The following KCNG3 variants were observed in gnomAD, a reference collection of about 807,000 sequenced individuals.
KCNG3 encodes potassium voltage-gated channel modifier subfamily G member 3.
Under a neutral mutation model 29.0 loss-of-function variants are expected in KCNG3, and 15 were observed. The ratio of observed to expected loss-of-function variants is 0.52; its 90% CI spans 0.35 to 0.80. The LOEUF is 0.80. Among genes scored for constraint, KCNG3 ranks in the 30% least tolerant of loss-of-function variants. KCNG3 has a pLI of 0.01. For synonymous variants in KCNG3, 322 were observed against 248.9 expected (o/e 1.29, Z -2.76); for missense variants, 512 against 605.7 (o/e 0.85, Z 1.62).
chr2:42,397,857 A>C, the KCNG3 span, among the ~76,000 whole-genome samples: 866 of 152,310 alleles, frequency 5.7e-3, 7 homozygotes, highest in Non-Finnish European at 8.5e-3. Flanking sequence ...TGGCCCTTTT[A>C]GAGTCTGTTC....
At chr2:42,462,631 G>A (rs1673047181) in intron 1 of KCNG3, among the ~76,000 whole-genome samples, 1 of 152,124 alleles carries the variant, frequency 6.6e-6, no homozygotes, top group Non-Finnish European at 1.5e-5. Flanking sequence ...ACAGTGGGCT[G>A]AGACTACAGC....
chr2:42,415,935 C>G, the KCNG3 span, among the ~76,000 whole-genome samples: 68 of 152,312 alleles, frequency 4.5e-4, no homozygotes, highest in Non-Finnish European at 7.8e-4. Context: ...TGGCTCATGG[C>G]TGTAATCTGA....
the KCNG3 span, among the ~76,000 whole-genome samples, chr2:42,412,707 T>C: frequency 5.3e-5 from 8 of 152,296 alleles, no homozygotes; most frequent in East Asian, 1.9e-4. Context: ...TATATTATAC[T>C]ATATTGTTAC....
chr2:42,482,063 A>G (rs978446740), intron 1 of KCNG3, among the ~76,000 whole-genome samples: 2 of 152,186 alleles, frequency 1.3e-5, no homozygotes, highest in African/African-American at 4.8e-5. Flanking sequence ...GGCTCAAACA[A>G]ACTGCCTGCC....
chr2:42,455,204 G>A (rs1208243596), intron 1 of KCNG3, among the ~76,000 whole-genome samples: 1 of 151,966 alleles, frequency 6.6e-6, no homozygotes, highest in African/African-American at 2.4e-5. Context: ...TGCTCAGGCT[G>A]GTCTCAAACT....
At chr2:42,395,790 T>TAA in the KCNG3 span, among the ~76,000 whole-genome samples, 5 of 151,698 alleles carry the variant, frequency 3.3e-5, no homozygotes, top group Admixed American at 6.6e-5. Context: ...CCCATCTTTA[T>TAA]AAAAAATTTT....
chr2:42,415,769 G>C, the KCNG3 span, among the ~76,000 whole-genome samples: 1 of 151,848 alleles, frequency 6.6e-6, no homozygotes, highest in Non-Finnish European at 1.5e-5. Context: ...AACCCTACTT[G>C]GCCATAAAAA....
intron 1 of KCNG3, among the ~76,000 whole-genome samples, chr2:42,483,461 C>G (rs1440595353): frequency 1.3e-5 from 2 of 152,288 alleles, no homozygotes; most frequent in Non-Finnish European, 2.9e-5. Flanking sequence ...AAACTAGTAT[C>G]AAACTAAGCA....
At position 42,443,726 on chromosome 2, in the gene KCNG3, T is replaced by C; in HGVS notation, c.*208A>G. 6.0e-6 allele frequency: 3 copies of C among 496,604 alleles called. No individual in the cohort carries two copies. Among genetic ancestry groups the C allele is most frequent in the Non-Finnish European group, 1.1e-5 (3 of 285,622 alleles). The allele number at this position is 496,604 out of a possible 1,614,324, so 30.8% of individuals were successfully genotyped here. A position where few individuals can be genotyped will look rare whatever the true frequency, so the allele number is the denominator to read the frequency against. ...TAAAACCGGGTCCTAAAGTTTACTC[T>C]AGGAGTCATTATTCTTCCTTTGCAG... On this transcript the variant is annotated 3_prime_UTR_variant, in exon 2 of 2. Transcript: ENST00000306078.
chr2:42,446,317 C>A (rs1672595428), intron 1 of KCNG3, among the ~76,000 whole-genome samples: 2 of 151,878 alleles, frequency 1.3e-5, no homozygotes, highest in Admixed American at 6.6e-5. Flanking sequence ...GCTGGGACTA[C>A]AGGCGCGCGC....
chr2:42,425,398 CA>C, the KCNG3 span, among the ~76,000 whole-genome samples: 4,951 of 82,294 alleles, frequency 0.06, 246 homozygotes, highest in African/African-American at 0.18. Context: ...GACTCCGTCT[CA>C]AAAAAAAAAA....
chr2:42,451,143 C>T (rs967320978), intron 1 of KCNG3, among the ~76,000 whole-genome samples: 3 of 128,442 alleles, frequency 2.3e-5, no homozygotes, highest in Non-Finnish European at 3.1e-5. Context: ...AGGCAGAGGT[C>T]GCAGTGAGCT....
At chr2:42,421,844 T>G in the KCNG3 span, among the ~76,000 whole-genome samples, 3 of 152,202 alleles carry the variant, frequency 2.0e-5, no homozygotes, top group Non-Finnish European at 4.4e-5. Context: ...AGTGGACAAA[T>G]GCTTTAACAA....
At chr2:42,388,397 A>G in the KCNG3 span, 1 of 152,246 alleles carries the variant, frequency 6.6e-6, no homozygotes, top group Non-Finnish European at 1.5e-5. Flanking sequence ...AGCAATTGAT[A>G]TTCACTACAG....
At chr2:42,405,420 A>G in the KCNG3 span, among the ~76,000 whole-genome samples, 1 of 148,062 alleles carries the variant, frequency 6.8e-6, no homozygotes, top group Non-Finnish European at 1.5e-5. Context: ...CATTGGGTTC[A>G]GCTTTTTGTT....
the KCNG3 span, among the ~76,000 whole-genome samples, chr2:42,423,684 C>G: frequency 1.3e-5 from 2 of 152,114 alleles, no homozygotes; most frequent in African/African-American, 2.4e-5. Context: ...CTTTACCCTA[C>G]CTGTAAACGT....
rs1251091329 is a variant in KCNG3, at chr2:42,466,283, G to A, written c.666-21704C>T. ...TAGTCAGGCGTGGTGGTGCCTGCCT[G>A]TAATCCTAGCTACTCGGGAGGCTGA... On this transcript the variant is annotated intron_variant, in intron 1 of 1. Coordinates refer to ENST00000306078, the MANE Select transcript of KCNG3 (RefSeq NM_133329.6). Among the ~76,000 whole-genome samples the A allele has an allele frequency of 2.0e-5, 3 of 152,124 alleles. 1 individual carries two copies. Among genetic ancestry groups the A allele is most frequent in the South Asian group, 4.1e-4 (2 of 4,826 alleles).
At chr2:42,482,177 C>G (rs930679367) in intron 1 of KCNG3, among the ~76,000 whole-genome samples, 2 of 152,202 alleles carry the variant, frequency 1.3e-5, no homozygotes, top group African/African-American at 4.8e-5. Context: ...ATATCCCCAA[C>G]ACCTAAAACA....
At chr2:42,439,943 A>T (rs974432894), downstream of KCNG3, among the ~76,000 whole-genome samples, 9 of 152,166 alleles carry the variant, frequency 5.9e-5, no homozygotes, top group East Asian at 1.7e-3. Flanking sequence ...ATGCCTGGCC[A>T]AGAAAATATT....
Sources: gnomAD v4.1 joint callset for allele counts (sites outside exome capture counted in the v4.1 genomes callset) on GRCh38, gnomAD v4.1.1 for gene constraint, MANE v1.5 for transcripts, NCBI Gene and HGNC (gene_info 2026-07-23, HGNC 2026-07-21) for gene names.